Variants in DUSP29 observed in about 807,000 individuals in gnomAD.
DUSP29 encodes atypical dual-specific protein phosphatase.
Under a neutral mutation model 13.5 loss-of-function variants are expected in DUSP29, and 12 were observed. The observed-to-expected ratio is 0.89, with a 90% confidence interval of 0.57 to 1.44. The LOEUF is 1.44. Ranked by LOEUF, DUSP29 falls within the 40% of genes most tolerant of loss-of-function variation. The pLI is 0.00. For synonymous variants in DUSP29, 134 were observed against 128.7 expected (o/e 1.04, Z -0.28); for missense variants, 308 against 301.1 (o/e 1.02, Z -0.17).
intron 3 of DUSP29, among the ~76,000 whole-genome samples, chr10:75,038,449 C>T (rs371034764): frequency 7.2e-5 from 11 of 152,076 alleles, no homozygotes; most frequent in African/African-American, 2.2e-4. Context: ...GGCATGACCG[C>T]GCTCCTGGGG....
intron 2 of DUSP29, among the ~76,000 whole-genome samples, chr10:75,045,882 G>A (rs1176009108): frequency 2.0e-5 from 3 of 152,272 alleles, no homozygotes; most frequent in East Asian, 1.9e-4. Context: ...AGGCCAAAGC[G>A]GGAGGGTGGC....
chr10:75,070,070 AAAGGAAGGAAGGAAGGAAGGAAGGAAGG>A (rs71024533), intron 1 of DUSP29, among the ~76,000 whole-genome samples: 8,463 of 105,368 alleles, frequency 0.08, 843 homozygotes, highest in African/African-American at 0.21. Context: ...AAGAAAGAAG[AAAGGAAGGAAGGAAGGAAGGAAGGAAGG>A]AAGGAAGGAA....
chr10:75,064,464 C>T (rs1484414549), intron 1 of DUSP29, among the ~76,000 whole-genome samples: 4 of 152,154 alleles, frequency 2.6e-5, no homozygotes, highest in East Asian at 3.9e-4. Flanking sequence ...ACCGAGATCG[C>T]GCCACTGCAC....
At chr10:75,061,009 T>C (rs1387804958) in intron 1 of DUSP29, among the ~76,000 whole-genome samples, 1 of 152,184 alleles carries the variant, frequency 6.6e-6, no homozygotes, top group Admixed American at 6.6e-5. Flanking sequence ...TGATGGTGAT[T>C]GGGGCTGGAT....
Position 75,037,742 on chromosome 10 carries a change from G to T in DUSP29, c.*94C>A. 11 of 1,503,468 alleles carry T rather than the reference G, an allele frequency of 7.3e-6. No homozygotes were observed. Among genetic ancestry groups the T allele is most frequent in the Non-Finnish European group, 9.7e-6 (11 of 1,130,650 alleles). The allele number at this position is 1,503,468 out of a possible 1,614,324, so 93.1% of individuals were successfully genotyped here. On this transcript the variant is annotated 3_prime_UTR_variant, in exon 4 of 4. Coordinates refer to ENST00000338487, the MANE Select transcript of DUSP29 (RefSeq NM_001003892.3). Reference sequence around the variant, plus strand: ...GATGGTTTGGAAGAGTCGAGCTTCGGTTTCACCATCCCTTCTCTGGAGTCC... The same window carrying T: ...GATGGTTTGGAAGAGTCGAGCTTCGTTTTCACCATCCCTTCTCTGGAGTCC...
At position 75,043,812 on chromosome 10, in the gene DUSP29, G is replaced by T. The variant is rs1190898299; in HGVS notation, c.406C>A (p.Leu136Ile). ...YPAAAFIDRA[L>I]SDDHSKILVH... ...GGTCTCTTACTGTGGTCGTCGCTTA[G>T]CGCTCTGTCGATGAAGGCTGCCGCC... The change falls in exon 3 of 4, where the codon CTA becomes ATA. Residue 136 changes from leucine to isoleucine, a missense_variant. Physicochemically the swap from Leu to Ile is conservative, Grantham distance 5. Coordinates refer to ENST00000338487, the MANE Select transcript of DUSP29 (RefSeq NM_001003892.3). 1.2e-6 allele frequency: 2 copies of T among 1,613,218 alleles called. No homozygotes were observed. The highest frequency in any genetic ancestry group is 1.7e-6 in the Non-Finnish European group (2 of 1,179,888).
At chr10:75,058,069 C>T (rs1038354811) in intron 2 of DUSP29, among the ~76,000 whole-genome samples, 1 of 152,248 alleles carries the variant, frequency 6.6e-6, no homozygotes, top group Non-Finnish European at 1.5e-5. Context: ...CCTGATGACC[C>T]TGCAGTGGCC....
rs1409214385 is a variant in DUSP29, at chr10:75,058,556, TGAGA to T, written c.-34-12_-34-9del. The T allele has an allele frequency of 1.9e-6, 3 of 1,608,898 alleles. No homozygotes were observed. The highest frequency in any genetic ancestry group is 1.7e-6 in the Non-Finnish European group (2 of 1,177,912). ...TTTCTCTCCTTTCTGCAGCTGGTTATGAGAGAGAAGCAGGATGGGGGTTAGCAGG... is the reference window on the plus strand; with the variant it reads ...TTTCTCTCCTTTCTGCAGCTGGTTATGAGAAGCAGGATGGGGGTTAGCAGG... On this transcript the variant is annotated splice_polypyrimidine_tract_variant and intron_variant, in intron 1 of 3. Transcript: ENST00000338487.
chr10:75,043,176 A>T (rs893459130), intron 3 of DUSP29, among the ~76,000 whole-genome samples: 3 of 152,250 alleles, frequency 2.0e-5, no homozygotes, highest in Admixed American at 2.0e-4. Flanking sequence ...CCAGCTTGTC[A>T]GCTTTCTACT....
chr10:75,046,299 G>C (rs764489303), intron 2 of DUSP29, among the ~76,000 whole-genome samples: 5 of 152,180 alleles, frequency 3.3e-5, no homozygotes, highest in Non-Finnish European at 5.9e-5. Context: ...CAGGACTTCA[G>C]CTCAGGGAAG....
At chr10:75,062,575 C>A (rs561342917) in intron 1 of DUSP29, among the ~76,000 whole-genome samples, 1 of 152,190 alleles carries the variant, frequency 6.6e-6, no homozygotes, top group South Asian at 2.1e-4. Context: ...TCCTCCAGCA[C>A]GCAGATTTGA....
At chr10:75,057,702 T>G (rs2134296522) in intron 2 of DUSP29, among the ~76,000 whole-genome samples, 1 of 152,250 alleles carries the variant, frequency 6.6e-6, no homozygotes, top group Non-Finnish European at 1.5e-5. Flanking sequence ...ATGGTGGTTA[T>G]AAAAATCTAA....
rs775961718 is a variant in DUSP29 at position 75,058,425 on chromosome 10, C to T, written c.90G>A (p.Glu30=). 2 of 1,614,258 alleles carry T rather than the reference C, an allele frequency of 1.2e-6. No individual in the cohort carries two copies. The highest frequency in any genetic ancestry group is 2.2e-5 in the South Asian group (2 of 91,088). The change falls in exon 2 of 4, where the codon GAG becomes GAA. Residue 30 remains glutamate (E), a synonymous_variant. Coordinates refer to ENST00000338487, the MANE Select transcript of DUSP29 (RefSeq NM_001003892.3). Reference sequence around the variant, plus strand: ...AGGCTCCAGGGGTGCAGTAGTCCTCCTCCTCCCCTTCCTCCTCCATCTTCG... The same window carrying T: ...AGGCTCCAGGGGTGCAGTAGTCCTCTTCCTCCCCTTCCTCCTCCATCTTCG... ...LSPKMEEEGE[E]EDYCTPGAFE... is the part of the protein sequence containing the mutation.
At chr10:75,061,661 A>C (rs776679023) in intron 1 of DUSP29, among the ~76,000 whole-genome samples, 2 of 152,160 alleles carry the variant, frequency 1.3e-5, no homozygotes, top group African/African-American at 4.8e-5. Flanking sequence ...CTCATTCAAA[A>C]TGCCTCCCGC....
chr10:75,045,425 G>T (rs1846685963), intron 2 of DUSP29, among the ~76,000 whole-genome samples: 1 of 152,160 alleles, frequency 6.6e-6, no homozygotes, highest in African/African-American at 2.4e-5. Flanking sequence ...ACTAATGGGG[G>T]TAGGAAATAA....
At position 75,060,468 on chromosome 10, in the gene DUSP29, TAAAA is replaced by T. The variant is rs56741186; in HGVS notation, c.-34-1924_-34-1921del. Among the ~76,000 whole-genome samples, 3 of 124,452 alleles carry T rather than the reference TAAAA, an allele frequency of 2.4e-5. 1 individual carries two copies. The highest frequency in any genetic ancestry group is 3.7e-5 in the Non-Finnish European group (2 of 54,722). The allele number at this position is 124,452 out of a possible 152,430, so 81.6% of individuals were successfully genotyped here. The stretch of plus-strand genomic sequence containing the variant: ...TCCTGGGCAACACAGTGAGACCTTA[TAAAA>T]AAAAAAAAAAAAACCCAAAACTTAT... On this transcript the variant is annotated intron_variant, in intron 1 of 3. Transcript: ENST00000338487.
At chr10:75,057,279 G>C (rs1290825046) in intron 2 of DUSP29, among the ~76,000 whole-genome samples, 1 of 148,840 alleles carries the variant, frequency 6.7e-6, no homozygotes, top group African/African-American at 2.5e-5. Context: ...AGACTGTCTC[G>C]AAAAAAAAAG....
At chr10:75,049,726 C>T (rs979632378) in intron 2 of DUSP29, among the ~76,000 whole-genome samples, 14 of 152,256 alleles carry the variant, frequency 9.2e-5, no homozygotes, top group African/African-American at 3.4e-4. Context: ...TTAGTTCCTC[C>T]TTTTCGGGGA....
rs189578296 is a variant in DUSP29, at chr10:75,060,191, C to T, written c.-34-1643G>A. 1.4e-3 allele frequency among the ~76,000 whole-genome samples: 220 copies of T among 151,970 alleles called. 6 individuals carry two copies. Among genetic ancestry groups the T allele is most frequent in the African/African-American group, 5.0e-3 (209 of 41,460 alleles). ...AATAATAATAATACTGAAAACAGTC[C>T]GGGAGCAGTGGCTTATGCCTGTAAT... On this transcript the variant is annotated intron_variant, in intron 1 of 3. Coordinates refer to ENST00000338487, the MANE Select transcript of DUSP29 (RefSeq NM_001003892.3).
Sources: gnomAD v4.1 joint callset for allele counts (sites outside exome capture counted in the v4.1 genomes callset) on GRCh38, gnomAD v4.1.1 for gene constraint, MANE v1.5 for transcripts, NCBI Gene and HGNC (gene_info 2026-07-23, HGNC 2026-07-21) for gene names.